RHO: variants seen among roughly 807,000 people sequenced by gnomAD.
RHO encodes rhodopsin.
Under a neutral mutation model 31.2 loss-of-function variants are expected in RHO, and 21 were observed. That is an observed-to-expected ratio of 0.67 (90% confidence interval 0.48 to 0.97). RHO has a LOEUF of 0.97. RHO is among the 50% of genes least tolerant of loss of function. The pLI is 0.00. For synonymous variants in RHO, 211 were observed against 196.6 expected (o/e 1.07, Z -0.61); for missense variants, 414 against 479.5 (o/e 0.86, Z 1.28).
chr3:129,532,784 G>A lies in RHO; in HGVS notation c.936+12G>A, dbSNP rs1199889529. 21 of 1,613,620 alleles carry A rather than the reference G, an allele frequency of 1.3e-5. No homozygotes were observed. Among genetic ancestry groups the A allele is most frequent in the Middle Eastern group, 1.6e-4 (1 of 6,070 alleles). Reference sequence around the variant, plus strand: ...TGATGAACAAGCAGGTGCCTACTGCGGGTGGGAGGGCCCCAGTGCCCCAGG... The same window carrying A: ...TGATGAACAAGCAGGTGCCTACTGCAGGTGGGAGGGCCCCAGTGCCCCAGG... On this transcript the variant is annotated intron_variant, in intron 4 of 4. Transcript: ENST00000296271. The surrounding 1 kb of genome is among the most constrained non-coding windows in gnomAD (Gnocchi z 5.5).
At chr3:129,529,725 C>A (rs1434435452) in intron 1 of RHO, among the ~76,000 whole-genome samples, 1 of 152,232 alleles carries the variant, frequency 6.6e-6, no homozygotes, top group Non-Finnish European at 1.5e-5. Flanking sequence ...GTGTTGAGAA[C>A]CGCAAGCAGC....
intron 1 of RHO, 76 bp from the exon 2 acceptor site, chr3:129,530,800 C>T: frequency 6.3e-7 from 1 of 1,588,308 alleles, no homozygotes; most frequent in Non-Finnish European, 8.6e-7. Context: ...CCTAGCTACC[C>T]TCTCCCTGTC....
chr3:129,531,148 A>G (rs1333073685), intron 2 of RHO, 104 bp downstream of exon 2: 10 of 1,374,982 alleles, frequency 7.3e-6, no homozygotes, highest in Non-Finnish European at 7.1e-6. Context: ...CTGACCTTGT[A>G]TGTCTCCTGG....
At position 129,530,533 on chromosome 3, in the gene RHO, A is replaced by AACACACACACAC. The variant is rs60120581; in HGVS notation, c.362-319_362-308dup. On this transcript the variant is annotated intron_variant, in intron 1 of 4. Transcript: ENST00000296271. Reference sequence around the variant, plus strand: ...CACACACACACACACACACACACACAACACACACACACACACACACACACA... The same window carrying AACACACACACAC: ...CACACACACACACACACACACACACAACACACACACACACACACACACACACACACACACACA... Among the ~76,000 whole-genome samples the AACACACACACAC allele has an allele frequency of 1.7e-3, 208 of 122,912 alleles. 2 individuals carry two copies. In the East Asian group the frequency reaches 0.025, roughly 15 times the overall value. The allele number at this position is 122,912 out of a possible 152,430, so 80.6% of individuals were successfully genotyped here.
intron 4 of RHO, among the ~76,000 whole-genome samples, chr3:129,533,088 G>A (rs1037862444): frequency 2.0e-5 from 3 of 152,046 alleles, no homozygotes; most frequent in Admixed American, 6.5e-5. Context: ...GACCCAAGTC[G>A]GGAATGGGAT....
At position 129,534,037 on chromosome 3, in the gene RHO, T is replaced by C. The variant is rs1458449459; in HGVS notation, c.*319T>C. On this transcript the variant is annotated 3_prime_UTR_variant, in exon 5 of 5. Coordinates refer to ENST00000296271, the MANE Select transcript of RHO (RefSeq NM_000539.3). ...TGCTTTCTGGAAAAGTGTCCCAGCT[T>C]AGGGATAAGTGTCTAGCACAGAATG... The C allele has an allele frequency of 8.6e-6, 3 of 348,886 alleles. No individual in the cohort carries two copies. The East Asian group carries it at 2.0e-4, about 23-fold the overall frequency. The allele number at this position is 348,886 out of a possible 1,614,324, so 21.6% of individuals were successfully genotyped here. A position where few individuals can be genotyped will look rare whatever the true frequency, so the allele number is the denominator to read the frequency against.
rs1011016953 is a variant in RHO, at chr3:129,534,585, A to T, written c.*867A>T. 1 of 152,392 alleles carries T rather than the reference A, an allele frequency of 6.6e-6. No homozygotes were observed. Among genetic ancestry groups the T allele is most frequent in the Non-Finnish European group, 1.5e-5 (1 of 68,116 alleles). The allele number at this position is 152,392 out of a possible 1,614,324, so 9.4% of individuals were successfully genotyped here. ...ATGCAGAATGCAGTCATCAGACCTG[A>T]AAAAACAACACTGGGGGAGGGGGAC... On this transcript the variant is annotated 3_prime_UTR_variant, in exon 5 of 5. Transcript: ENST00000296271.
At position 129,534,497 on chromosome 3, in the gene RHO, T is replaced by A. The variant is rs1219183346; in HGVS notation, c.*779T>A. On this transcript the variant is annotated 3_prime_UTR_variant, in exon 5 of 5. Coordinates refer to ENST00000296271, the MANE Select transcript of RHO (RefSeq NM_000539.3). ...AACCTTGGGGCAGGTTTTTAAAAAT[T>A]AGCTAGGCATCAAGGCCAGACCAGG... The A allele has an allele frequency of 6.6e-6, 1 of 152,376 alleles. No individual in the cohort carries two copies. Among genetic ancestry groups the A allele is most frequent in the East Asian group, 1.9e-4 (1 of 5,182 alleles). 9.4% of individuals were successfully genotyped at this position (152,376 alleles called of 1,614,324 possible).
At position 129,530,868 on chromosome 3, in the gene RHO, C is replaced by A. The variant is rs763402049; in HGVS notation, c.362-8C>A. ...GTCTGTGCTGACCGCCTGCTGACTG[C>A]CTTGCAGGTGAAATTGCCCTGTGGT... is the stretch of plus-strand genomic sequence containing the variant. On this transcript the variant is annotated splice_region_variant and splice_polypyrimidine_tract_variant and intron_variant, in intron 1 of 4. Coordinates refer to ENST00000296271, the MANE Select transcript of RHO (RefSeq NM_000539.3). 6.2e-7 allele frequency: 1 copy of A among 1,614,252 alleles called. No individual in the cohort carries two copies. Among genetic ancestry groups the A allele is most frequent in the Non-Finnish European group, 8.5e-7 (1 of 1,180,044 alleles).
Position 129,534,074 on chromosome 3 carries a change from AG to A in RHO, c.*358del. Reference sequence around the variant, plus strand: ...TCTAGCACAGAATGGGGCACACAGTAGGTGCTTAATAAATGCTGGATGGATG... The same window carrying A: ...TCTAGCACAGAATGGGGCACACAGTAGTGCTTAATAAATGCTGGATGGATG... On this transcript the variant is annotated 3_prime_UTR_variant, in exon 5 of 5. Transcript: ENST00000296271. The A allele has an allele frequency of 3.7e-6, 1 of 267,332 alleles. No individual in the cohort carries two copies. 16.6% of individuals were successfully genotyped at this position (267,332 alleles called of 1,614,324 possible).
In RHO at chr3:129,530,309, A is replaced by G. The variant is rs544423048; in HGVS notation, c.362-567A>G. On this transcript the variant is annotated intron_variant, in intron 1 of 4. Coordinates refer to ENST00000296271, the MANE Select transcript of RHO (RefSeq NM_000539.3). ...TGAGCAGGACAGATGTCTGAATTCC[A>G]TCATTTCCTTCTTCTTCCTCTGGGC... Among the ~76,000 whole-genome samples the G allele has an allele frequency of 6.6e-5, 10 of 152,180 alleles. No individual in the cohort carries two copies. In the South Asian group the frequency reaches 2.1e-3, roughly 32 times the overall value.
chr3:129,531,108 C>G, intron 2 of RHO, 64 bp downstream of exon 2: 1 of 1,582,202 alleles, frequency 6.3e-7, no homozygotes, highest in South Asian at 1.1e-5. Flanking sequence ...CCAGTCAGGA[C>G]TCAAACCCAG....
chr3:129,530,746 T>C (rs2084773839), intron 1 of RHO, 130 bp from the exon 2 acceptor site: 1 of 1,121,570 alleles, frequency 8.9e-7, no homozygotes, highest in African/African-American at 1.5e-5. Context: ...GCTCTCTCCT[T>C]CCCCAAGGCC....
Position 129,532,901 on chromosome 3 carries a change from C to A in RHO, c.936+129C>A. The A allele has an allele frequency of 1.6e-6, 2 of 1,221,864 alleles. No homozygotes were observed. The highest frequency in any genetic ancestry group is 1.2e-5 in the South Asian group (1 of 81,276). The allele number at this position is 1,221,864 out of a possible 1,614,324, so 75.7% of individuals were successfully genotyped here. A position where few individuals can be genotyped will look rare whatever the true frequency, so the allele number is the denominator to read the frequency against. On this transcript the variant is annotated intron_variant, in intron 4 of 4. Transcript: ENST00000296271. This position sits in a 1 kb window ranked among gnomAD's most constrained non-coding sequence, Gnocchi z 5.5. ...CTGGCAGCAGTCTTGGGTCAGCAGT[C>A]CCAATGGGGAGTGTGTGAGAAATGC...
In RHO at chr3:129,533,838, C is replaced by T. The variant is rs2084802886; in HGVS notation, c.*120C>T. Reference sequence around the variant, plus strand: ...AGAATGAACGAAGTCACATAGGCTCCTTAATTTTTTTTTTTTTTTTAAGAA... The same window carrying T: ...AGAATGAACGAAGTCACATAGGCTCTTTAATTTTTTTTTTTTTTTTAAGAA... On this transcript the variant is annotated 3_prime_UTR_variant, in exon 5 of 5. Coordinates refer to ENST00000296271, the MANE Select transcript of RHO (RefSeq NM_000539.3). 1 of 652,504 alleles carries T rather than the reference C, an allele frequency of 1.5e-6. No homozygotes were observed. Among genetic ancestry groups the T allele is most frequent in the East Asian group, 2.8e-5 (1 of 35,190 alleles). 40.4% of individuals were successfully genotyped at this position (652,504 alleles called of 1,614,324 possible). A position where few individuals can be genotyped will look rare whatever the true frequency, so the allele number is the denominator to read the frequency against.
intron 1 of RHO, 142 bp downstream of exon 1, chr3:129,529,236 A>T: frequency 8.9e-7 from 1 of 1,122,260 alleles, no homozygotes; most frequent in Non-Finnish European, 1.2e-6. Flanking sequence ...TCATATATTC[A>T]GTCAACAAAC....
At position 129,535,032 on chromosome 3, in the gene RHO, G is replaced by A. The variant is rs1016815544; in HGVS notation, c.*1314G>A. 6.6e-6 allele frequency: 1 copy of A among 152,600 alleles called. No homozygotes were observed. Among genetic ancestry groups the A allele is most frequent in the African/African-American group, 2.4e-5 (1 of 41,434 alleles). 9.5% of individuals were successfully genotyped at this position (152,600 alleles called of 1,614,324 possible). A position where few individuals can be genotyped will look rare whatever the true frequency, so the allele number is the denominator to read the frequency against. ...CCAAAAAGCTGGCCACATCTCTGAG[G>A]TGTCAGAATTAAGCTGCCTCAGTAA... is the stretch of plus-strand genomic sequence containing the variant. On this transcript the variant is annotated 3_prime_UTR_variant, in exon 5 of 5. Coordinates refer to ENST00000296271, the MANE Select transcript of RHO (RefSeq NM_000539.3).
At chr3:129,530,182 G>A (rs2084768544) in intron 1 of RHO, among the ~76,000 whole-genome samples, 1 of 152,164 alleles carries the variant, frequency 6.6e-6, no homozygotes, top group Admixed American at 6.5e-5. Context: ...TCTCTGCAGG[G>A]TCAGTCCCAG....
At position 129,532,309 on chromosome 3, in the gene RHO, G is replaced by A; in HGVS notation, c.589G>A (p.Glu197Lys). 1 of 1,614,084 alleles carries A rather than the reference G, an allele frequency of 6.2e-7. No homozygotes were observed. The highest frequency in any genetic ancestry group is 8.5e-7 in the Non-Finnish European group (1 of 1,180,012). ...CGIDYYTLKP[E>K]VNNESFVIYM... ...AATCGACTACTACACGCTCAAGCCGGAGGTCAACAACGAGTCTTTTGTCAT... is the reference window on the plus strand; with the variant it reads ...AATCGACTACTACACGCTCAAGCCGAAGGTCAACAACGAGTCTTTTGTCAT... The change falls in exon 3 of 5, where the codon GAG becomes AAG. Residue 197 changes from glutamate to lysine, a missense_variant. By Grantham distance (56) the Glu-to-Lys change is moderately conservative (BLOSUM62 1). Transcript: ENST00000296271. This position sits in a 1 kb window ranked among gnomAD's most constrained non-coding sequence, Gnocchi z 5.5.
Sources: gnomAD v4.1 joint callset for allele counts (sites outside exome capture counted in the v4.1 genomes callset) on GRCh38, gnomAD v4.1.1 for gene constraint, Gnocchi (gnomAD v3.1) non-coding constraint, MANE v1.5 for transcripts, NCBI Gene and HGNC (gene_info 2026-07-23, HGNC 2026-07-21) for gene names.